SSBP3: variants seen among roughly 807,000 people sequenced by gnomAD.
SSBP3 encodes single-stranded DNA-binding protein 3.
A neutral mutation model predicts 69.6 loss-of-function variants in SSBP3; 5 were observed. That is an observed-to-expected ratio of 0.07 (90% CI 0.04 to 0.15). The LOEUF (loss-of-function observed/expected upper bound fraction) is 0.15. Ranked by LOEUF, SSBP3 falls within the 10% of genes least tolerant of loss-of-function variation. The pLI is 1.00. For synonymous variants in SSBP3, 196 were observed against 193.4 expected (o/e 1.01, Z -0.11); for missense variants, 312 against 534.0 (o/e 0.58, Z 4.10).
intron 4 of SSBP3, among the ~76,000 whole-genome samples, chr1:54,316,758 A>G (rs1481725478): frequency 1.3e-5 from 2 of 151,838 alleles, no homozygotes; most frequent in Non-Finnish European, 2.9e-5. Context: ...TCTTGCTACT[A>G]TAAGAAAATA....
chr1:54,274,345 G>A (rs1387995579), intron 5 of SSBP3, among the ~76,000 whole-genome samples: 1 of 152,052 alleles, frequency 6.6e-6, no homozygotes, highest in Non-Finnish European at 1.5e-5. Flanking sequence ...TGAAATCACA[G>A]CAGGGAACAG....
At chr1:54,249,660 AAAAAT>A (rs960941214) in intron 9 of SSBP3, among the ~76,000 whole-genome samples, 1 of 152,114 alleles carries the variant, frequency 6.6e-6, no homozygotes, top group African/African-American at 2.4e-5. Flanking sequence ...AAACCCTCAA[AAAAAT>A]AAAATAAAGA....
chr1:54,378,077 G>A (rs984577897), intron 4 of SSBP3, among the ~76,000 whole-genome samples: 1 of 152,084 alleles, frequency 6.6e-6, no homozygotes, highest in Non-Finnish European at 1.5e-5. Context: ...GCACTCTCCT[G>A]ACGTGCAGGC....
intron 4 of SSBP3, among the ~76,000 whole-genome samples, chr1:54,369,197 T>C (rs983918085): frequency 7.5e-6 from 1 of 132,820 alleles, no homozygotes; most frequent in Non-Finnish European, 1.5e-5. Flanking sequence ...GCATTGCACA[T>C]GGGAAAAAGT....
At chr1:54,390,891 C>T (rs1439150397) in intron 4 of SSBP3, among the ~76,000 whole-genome samples, 1 of 152,182 alleles carries the variant, frequency 6.6e-6, no homozygotes, top group African/African-American at 2.4e-5. Flanking sequence ...TACTGGAAGC[C>T]GTCTAAAAGC....
At chr1:54,294,142 C>CAAA (rs1223376233) in intron 4 of SSBP3, among the ~76,000 whole-genome samples, 17 of 41,246 alleles carry the variant, frequency 4.1e-4, no homozygotes, top group East Asian at 1.3e-3. Flanking sequence ...GACTCCATCT[C>CAAA]AAAAAAAAAA....
chr1:54,394,029 G>A (rs976034269), intron 4 of SSBP3, among the ~76,000 whole-genome samples: 14 of 152,152 alleles, frequency 9.2e-5, no homozygotes, highest in African/African-American at 3.4e-4. Flanking sequence ...CAAAGTGTTG[G>A]GATTACAGGA....
intron 4 of SSBP3, among the ~76,000 whole-genome samples, chr1:54,284,129 T>A (rs1432360133): frequency 2.5e-4 from 26 of 103,518 alleles, no homozygotes; most frequent in African/African-American, 4.8e-4. Context: ...TTTTTTTTTT[T>A]AAGACACAGG....
chr1:54,241,401 A>AC, intron 12 of SSBP3, 73 bp downstream of exon 12: 1 of 1,507,078 alleles, frequency 6.6e-7, no homozygotes, highest in Non-Finnish European at 9.2e-7. Flanking sequence ...AGAAACGGGG[A>AC]CCCCAGACCA....
chr1:54,226,882 C>T, exon 18 of SSBP3: 1 of 515,174 alleles, frequency 1.9e-6, no homozygotes, highest in Non-Finnish European at 3.6e-6. Flanking sequence ...TTTTTCTGGT[C>T]ACTGACTTGA....
upstream of SSBP3, among the ~76,000 whole-genome samples, chr1:54,407,708 A>C (rs140247183): frequency 6.8e-6 from 1 of 146,512 alleles, no homozygotes; most frequent in Non-Finnish European, 1.5e-5. Context: ...GCCTGTTTGG[A>C]TACATCTTTA....
At chr1:54,264,936 C>T (rs1309936350) in intron 5 of SSBP3, among the ~76,000 whole-genome samples, 1 of 152,248 alleles carries the variant, frequency 6.6e-6, no homozygotes, top group Non-Finnish European at 1.5e-5. Flanking sequence ...ACCTGCGGTA[C>T]TGGCGGCCTG....
intron 4 of SSBP3, among the ~76,000 whole-genome samples, chr1:54,282,081 G>C (rs1645405727): frequency 7.7e-6 from 1 of 129,272 alleles, no homozygotes; most frequent in Non-Finnish European, 1.6e-5. Flanking sequence ...TAAAAAAATG[G>C]GGGGACAATG....
At chr1:54,365,695 C>T (rs898561608) in intron 4 of SSBP3, among the ~76,000 whole-genome samples, 2 of 152,178 alleles carry the variant, frequency 1.3e-5, no homozygotes, top group African/African-American at 4.8e-5. Flanking sequence ...AACGGCCATA[C>T]CCCCTCACCT....
At chr1:54,298,081 T>G (rs1022650347) in intron 4 of SSBP3, among the ~76,000 whole-genome samples, 1 of 152,170 alleles carries the variant, frequency 6.6e-6, no homozygotes, top group Non-Finnish European at 1.5e-5. Context: ...GCAGGAAGCC[T>G]CCGGGTGCAG....
intron 4 of SSBP3, among the ~76,000 whole-genome samples, chr1:54,305,121 C>G (rs1436278053): frequency 6.6e-6 from 1 of 152,296 alleles, no homozygotes. Flanking sequence ...CCAGGGGTAA[C>G]TAACTTCAGC....
At chr1:54,337,107 G>A (rs903635862) in intron 4 of SSBP3, among the ~76,000 whole-genome samples, 2 of 152,194 alleles carry the variant, frequency 1.3e-5, no homozygotes, top group African/African-American at 4.8e-5. Context: ...CTGGGCTTCC[G>A]CTGTCTTCTC....
At chr1:54,385,213 G>A (rs1197905887) in intron 4 of SSBP3, among the ~76,000 whole-genome samples, 2 of 152,158 alleles carry the variant, frequency 1.3e-5, no homozygotes, top group Admixed American at 6.5e-5. Context: ...TTGGGGACAG[G>A]GAGCAGGATG....
chr1:54,333,139 T>C (rs972221002), intron 4 of SSBP3, among the ~76,000 whole-genome samples: 3 of 152,174 alleles, frequency 2.0e-5, no homozygotes, highest in African/African-American at 4.8e-5. Flanking sequence ...CCAGGAAAGC[T>C]GACCTTGTCC....
Sources: gnomAD v4.1 joint callset for allele counts (sites outside exome capture counted in the v4.1 genomes callset) on GRCh38, gnomAD v4.1.1 for gene constraint, MANE v1.5 for transcripts, NCBI Gene and HGNC (gene_info 2026-07-23, HGNC 2026-07-21) for gene names.